DSCAM: variants seen among roughly 807,000 people sequenced by gnomAD.
The protein encoded by DSCAM is cell adhesion molecule DSCAM.
DSCAM carries 47 observed loss-of-function variants against 217.7 expected under a neutral mutation model. That is an observed-to-expected ratio of 0.22 (90% CI 0.17 to 0.28). DSCAM has a LOEUF of 0.28. Ranked by LOEUF, DSCAM falls within the 10% of genes least tolerant of loss-of-function variation. The pLI is 1.00. For missense variants in DSCAM, 2,080 were observed against 2,618.3 expected, an observed-to-expected ratio of 0.79 and a Z score of 4.49; for synonymous variants, 1,056 against 1,015.3, an observed-to-expected ratio of 1.04 and a Z score of -0.76.
chr21:40,304,985 G>C (rs2074056213), intron 9 of DSCAM, among the ~76,000 whole-genome samples: 1 of 152,144 alleles, frequency 6.6e-6, no homozygotes, highest in Non-Finnish European at 1.5e-5. Flanking sequence ...GTGACATACA[G>C]ACACGAAGTG....
chr21:40,833,011 T>C (rs1437396944), intron 1 of DSCAM, among the ~76,000 whole-genome samples: 1 of 152,180 alleles, frequency 6.6e-6, no homozygotes, highest in Non-Finnish European at 1.5e-5. Flanking sequence ...AACCAGATGA[T>C]GTCGTGCCTT....
intron 3 of DSCAM, among the ~76,000 whole-genome samples, chr21:40,402,400 A>G (rs952474690): frequency 6.6e-6 from 1 of 151,986 alleles, no homozygotes; most frequent in South Asian, 2.1e-4. Context: ...AAATGGTATT[A>G]GATTCCTAAG....
At chr21:40,806,959 G>A (rs1045327891) in intron 1 of DSCAM, among the ~76,000 whole-genome samples, 17 of 152,196 alleles carry the variant, frequency 1.1e-4, no homozygotes, top group Non-Finnish European at 1.8e-4. Context: ...GGGGCCTATC[G>A]GGGGTGAGGG....
chr21:40,812,559 GC>G (rs1197145902), intron 1 of DSCAM, among the ~76,000 whole-genome samples: 1 of 152,166 alleles, frequency 6.6e-6, no homozygotes, highest in African/African-American at 2.4e-5. Context: ...TCACGGTATG[GC>G]TATTTGTGGG....
chr21:40,439,450 G>T lies in DSCAM; in HGVS notation c.509-70205C>A, dbSNP rs1601644894. Among the ~76,000 whole-genome samples the T allele has an allele frequency of 1.3e-5, 2 of 152,300 alleles. 1 individual carries two copies. The highest frequency in any genetic ancestry group is 2.9e-5 in the Non-Finnish European group (2 of 68,026). On this transcript the variant is annotated intron_variant, in intron 3 of 32. Transcript: ENST00000400454. ...TTAAGTGAAACATAGTTCTATAAAG[G>T]TAGGACTAGCAACACTTCAGATGTT... is the stretch of plus-strand genomic sequence containing the variant.
intron 20 of DSCAM, among the ~76,000 whole-genome samples, chr21:40,111,269 T>G (rs2089895874): frequency 6.6e-6 from 1 of 152,040 alleles, no homozygotes; most frequent in South Asian, 2.1e-4. Flanking sequence ...TTCAACATTC[T>G]TAAAGAAAAG....
At chr21:40,153,880 C>T (rs2410215) in intron 16 of DSCAM, among the ~76,000 whole-genome samples, 12,868 of 152,162 alleles carry the variant, frequency 0.085, 984 homozygotes, top group African/African-American at 0.21. Context: ...CTATGCATTC[C>T]CCCATTTCTC....
chr21:40,416,869 T>G lies in DSCAM; in HGVS notation c.509-47624A>C, dbSNP rs112754574. On this transcript the variant is annotated intron_variant, in intron 3 of 32. Transcript: ENST00000400454. ...AGAAATGTAAATAAAATTTAAAATCTCATTCTTTCATGAACATTTCATGCC... is the reference window on the plus strand; with the variant it reads ...AGAAATGTAAATAAAATTTAAAATCGCATTCTTTCATGAACATTTCATGCC... 7.9e-3 allele frequency among the ~76,000 whole-genome samples: 1,197 copies of G among 152,246 alleles called. 12 individuals carry two copies. Among genetic ancestry groups the G allele is most frequent in the African/African-American group, 0.025 (1,041 of 41,528 alleles).
intron 11 of DSCAM, among the ~76,000 whole-genome samples, chr21:40,251,985 G>A (rs1035946674): frequency 3.3e-5 from 5 of 152,178 alleles, no homozygotes; most frequent in Admixed American, 1.3e-4. Context: ...GAGGCCACAA[G>A]TTGACTCCTG....
chr21:40,347,964 G>T lies in DSCAM; in HGVS notation c.935-19C>A. On this transcript the variant is annotated intron_variant, in intron 5 of 32. Transcript: ENST00000400454. ...AGTGGCTCTGGAGGTTTTAGTAAGAGAGAGAGAAAAAAGATAAAAACATCA... is the reference window on the plus strand; with the variant it reads ...AGTGGCTCTGGAGGTTTTAGTAAGATAGAGAGAAAAAAGATAAAAACATCA... 1 of 1,598,260 alleles carries T rather than the reference G, an allele frequency of 6.3e-7. No homozygotes were observed. Among genetic ancestry groups the T allele is most frequent in the Non-Finnish European group, 8.5e-7 (1 of 1,172,036 alleles).
In DSCAM at chr21:40,524,243, C is replaced by CA. The variant is rs529704971; in HGVS notation, c.509-154999dup. On this transcript the variant is annotated intron_variant, in intron 3 of 32. Coordinates refer to ENST00000400454, the MANE Select transcript of DSCAM (RefSeq NM_001389.5). ...TTCAAAATTTTAATCTGTCATTTTC[C>CA]AATCTAATAGCACATAAAAATCTAA... Among the ~76,000 whole-genome samples the CA allele has an allele frequency of 1.7e-4, 26 of 152,082 alleles. No homozygotes were observed. In the East Asian group the frequency reaches 5.0e-3, roughly 29 times the overall value.
chr21:40,725,281 G>A (rs1308099971), intron 1 of DSCAM, among the ~76,000 whole-genome samples: 1 of 152,166 alleles, frequency 6.6e-6, no homozygotes, highest in Admixed American at 6.5e-5. Flanking sequence ...GGCAGGATGA[G>A]GAAGCAATGA....
chr21:40,533,555 ATTCATCCAT>A (rs2076468073), intron 3 of DSCAM, among the ~76,000 whole-genome samples: 1 of 120,958 alleles, frequency 8.3e-6, no homozygotes, highest in Non-Finnish European at 1.9e-5. Flanking sequence ...TCATCCATCC[ATTCATCCAT>A]CCATCCATCC....
intron 3 of DSCAM, among the ~76,000 whole-genome samples, chr21:40,590,894 T>A (rs1016855914): frequency 3.3e-5 from 5 of 152,186 alleles, no homozygotes; most frequent in African/African-American, 1.2e-4. Flanking sequence ...ACCAACTGCC[T>A]TAGTTTGTCC....
At chr21:40,353,930 T>G (rs1344449976) in intron 4 of DSCAM, among the ~76,000 whole-genome samples, 187 bp from the exon 5 acceptor site, 3 of 152,206 alleles carry the variant, frequency 2.0e-5, no homozygotes, top group Non-Finnish European at 4.4e-5. Context: ...TGCTCAGAAT[T>G]TACAAAAGGT....
intron 3 of DSCAM, among the ~76,000 whole-genome samples, chr21:40,374,887 T>G (rs940307370): frequency 5.3e-5 from 8 of 152,150 alleles, no homozygotes; most frequent in Admixed American, 1.3e-4. Context: ...CAGTGAGAGA[T>G]AAATTTTTGT....
At chr21:40,037,896 G>C (rs1410187859) in intron 32 of DSCAM, among the ~76,000 whole-genome samples, 1 of 147,766 alleles carries the variant, frequency 6.8e-6, no homozygotes, top group Non-Finnish European at 1.5e-5. Context: ...TGACCAACCT[G>C]AGAAAAACAA....
At chr21:40,119,726 G>A (rs773046091) in intron 20 of DSCAM, among the ~76,000 whole-genome samples, 18 of 151,676 alleles carry the variant, frequency 1.2e-4, no homozygotes, top group South Asian at 2.1e-4. Context: ...ATCTAGTAGC[G>A]TCACTATATG....
At chr21:40,414,558 G>A (rs981048369) in intron 3 of DSCAM, among the ~76,000 whole-genome samples, 1 of 152,116 alleles carries the variant, frequency 6.6e-6, no homozygotes, top group Non-Finnish European at 1.5e-5. Flanking sequence ...TTTCCATGAG[G>A]TACATTTTGA....
Sources: allele counts gnomAD v4.1 joint callset (sites outside exome capture counted in the v4.1 genomes callset), GRCh38; gene constraint gnomAD v4.1.1; transcripts MANE v1.5; gene names NCBI Gene and HGNC (gene_info 2026-07-23, HGNC 2026-07-21).